ADAD1: variants seen among roughly 807,000 people sequenced by gnomAD.
ADAD1 encodes the protein adenosine deaminase domain-containing protein 1.
Under a neutral mutation model 66.8 loss-of-function variants are expected in ADAD1, and 46 were observed. That is an observed-to-expected ratio of 0.69 (90% CI 0.54 to 0.88). The LOEUF is 0.88. ADAD1 is among the 40% of genes least tolerant of loss of function. The pLI, the probability that ADAD1 is intolerant of heterozygous loss-of-function variation, is 0.00. For synonymous variants in ADAD1, 248 were observed against 229.4 expected, an observed-to-expected ratio of 1.08 and a Z score of -0.73; for missense variants, 617 against 681.8, an observed-to-expected ratio of 0.91 and a Z score of 1.06.
At chr4:122,384,230 T>C (rs1371512121) in intron 5 of ADAD1, among the ~76,000 whole-genome samples, 3 of 152,228 alleles carry the variant, frequency 2.0e-5, no homozygotes, top group African/African-American at 7.2e-5. Flanking sequence ...AGTCCTAAAA[T>C]ATAGTTTTCT....
chr4:122,421,568 A>G (rs1291891012), intron 12 of ADAD1, among the ~76,000 whole-genome samples, 178 bp downstream of exon 12: 1 of 152,204 alleles, frequency 6.6e-6, no homozygotes, highest in African/African-American at 2.4e-5. Flanking sequence ...TATGTAAATA[A>G]GTATTGCCAT....
At chr4:122,404,533 G>A (rs1211100024) in intron 7 of ADAD1, among the ~76,000 whole-genome samples, 2 of 152,238 alleles carry the variant, frequency 1.3e-5, no homozygotes, top group South Asian at 4.1e-4. Flanking sequence ...CAGTTTTTCA[G>A]CTGTCTCACA....
intron 5 of ADAD1, among the ~76,000 whole-genome samples, chr4:122,386,869 G>T (rs920476031): frequency 6.6e-6 from 1 of 152,034 alleles, no homozygotes; most frequent in East Asian, 1.9e-4. Context: ...TATTTCTGAG[G>T]TATCTATTCT....
intron 7 of ADAD1, among the ~76,000 whole-genome samples, chr4:122,399,730 ATTTTC>A (rs1265244520): frequency 8.2e-6 from 1 of 122,332 alleles, no homozygotes; most frequent in African/African-American, 3.2e-5. Context: ...TATATTCCTA[ATTTTC>A]TTTTCTTTTT....
chr4:122,423,975 T>C (rs1301593824), intron 12 of ADAD1, among the ~76,000 whole-genome samples: 2 of 152,120 alleles, frequency 1.3e-5, no homozygotes, highest in African/African-American at 4.8e-5. Flanking sequence ...TTGTACACTT[T>C]AAAGGGTAAA....
At chr4:122,381,626 G>A (rs1331938507) in intron 4 of ADAD1, among the ~76,000 whole-genome samples, 2 of 152,176 alleles carry the variant, frequency 1.3e-5, no homozygotes, top group Non-Finnish European at 2.9e-5. Flanking sequence ...GTCTGTTACA[G>A]TTTTCTCAAT....
chr4:122,402,230 G>A (rs767634525), intron 7 of ADAD1, among the ~76,000 whole-genome samples: 1 of 151,990 alleles, frequency 6.6e-6, no homozygotes, highest in Non-Finnish European at 1.5e-5. Flanking sequence ...GTCTGAAAAA[G>A]ACTTTATCTT....
intron 11 of ADAD1, 128 bp downstream of exon 11, chr4:122,415,744 A>ACACTTGACTAATG: frequency 5.7e-6 from 5 of 870,892 alleles, no homozygotes; most frequent in Non-Finnish European, 5.2e-6. Flanking sequence ...ATCATTAGTC[A>ACACTTGACTAATG]AGTGTGACTA....
chr4:122,416,076 A>G (rs1411778139), intron 11 of ADAD1, among the ~76,000 whole-genome samples: 1 of 152,178 alleles, frequency 6.6e-6, no homozygotes, highest in Non-Finnish European at 1.5e-5. Flanking sequence ...GAACTATGGT[A>G]CTGTGTTATA....
intron 12 of ADAD1, among the ~76,000 whole-genome samples, chr4:122,427,367 G>A (rs1364764697): frequency 2.0e-5 from 3 of 152,092 alleles, no homozygotes; most frequent in Non-Finnish European, 4.4e-5. Flanking sequence ...TAAGTAAATG[G>A]AGAGATGTAC....
At chr4:122,413,495 C>A (rs1378198412) in intron 10 of ADAD1, among the ~76,000 whole-genome samples, 1 of 151,978 alleles carries the variant, frequency 6.6e-6, no homozygotes, top group East Asian at 1.9e-4. Flanking sequence ...AAGCTTTTTA[C>A]AATATATCTT....
In ADAD1 at chr4:122,396,234, GT is replaced by G; in HGVS notation, c.599-14del. The G allele has an allele frequency of 6.4e-7, 1 of 1,554,592 alleles. No homozygotes were observed. Among genetic ancestry groups the G allele is most frequent in the South Asian group, 1.3e-5 (1 of 78,828 alleles). ...GGAGCACAATGTTCTTGAAATTTAT[GT>G]TTTGATTTTTTTCTAGAAGGGAGAC... On this transcript the variant is annotated splice_polypyrimidine_tract_variant and intron_variant, in intron 6 of 12. Transcript: ENST00000296513.
intron 12 of ADAD1, among the ~76,000 whole-genome samples, 194 bp downstream of exon 12, chr4:122,421,584 G>A (rs1398640207): frequency 6.6e-6 from 1 of 152,148 alleles, no homozygotes; most frequent in East Asian, 1.9e-4. Flanking sequence ...GCCATTTAAA[G>A]TAGCCATTTT....
intron 11 of ADAD1, 29 bp downstream of exon 11, chr4:122,415,645 A>G (rs1200534538): frequency 1.0e-5 from 16 of 1,569,062 alleles, no homozygotes; most frequent in Middle Eastern, 1.7e-4. Flanking sequence ...TTTAAACCAT[A>G]TATTACTTAA....
At chr4:122,405,465 C>T (rs1395611760) in intron 7 of ADAD1, among the ~76,000 whole-genome samples, 2 of 152,160 alleles carry the variant, frequency 1.3e-5, no homozygotes, top group African/African-American at 4.8e-5. Flanking sequence ...CCAAGGTACC[C>T]ACTGCCTGCA....
At chr4:122,403,138 G>A (rs1186278087) in intron 7 of ADAD1, among the ~76,000 whole-genome samples, 1 of 152,112 alleles carries the variant, frequency 6.6e-6, no homozygotes, top group Non-Finnish European at 1.5e-5. Context: ...GAAATATCTG[G>A]AACTCAAGGC....
chr4:122,384,311 G>A (rs1274332801), intron 5 of ADAD1, among the ~76,000 whole-genome samples: 3 of 152,166 alleles, frequency 2.0e-5, no homozygotes, highest in African/African-American at 7.2e-5. Flanking sequence ...TAAATGCAGC[G>A]TTTGTGAAGT....
intron 7 of ADAD1, among the ~76,000 whole-genome samples, chr4:122,402,080 G>T (rs1332520218): frequency 6.6e-6 from 1 of 151,322 alleles, no homozygotes; most frequent in East Asian, 1.9e-4. Context: ...TTGTGTTATT[G>T]TTTTATAGGC....
chr4:122,419,997 T>G (rs944294329), intron 11 of ADAD1, among the ~76,000 whole-genome samples: 1 of 152,162 alleles, frequency 6.6e-6, no homozygotes, highest in Non-Finnish European at 1.5e-5. Context: ...GTTATTGCTG[T>G]TACTCAGCAT....
Sources: gnomAD v4.1 joint callset for allele counts (sites outside exome capture counted in the v4.1 genomes callset) on GRCh38, gnomAD v4.1.1 for gene constraint, MANE v1.5 for transcripts, NCBI Gene and HGNC (gene_info 2026-07-23, HGNC 2026-07-21) for gene names.